SUSD4: variants seen among roughly 807,000 people sequenced by gnomAD.
SUSD4 encodes sushi domain-containing protein 4.
In SUSD4, 41 loss-of-function variants were observed where a neutral mutation model predicts 50.5. The ratio of observed to expected loss-of-function variants is 0.81; its 90% CI spans 0.63 to 1.05. The LOEUF is 1.05. SUSD4 is among the 50% of genes least tolerant of loss of function. The pLI, the probability that SUSD4 is intolerant of heterozygous loss-of-function variation, is 0.00. For missense variants in SUSD4, 580 were observed against 634.7 expected, an observed-to-expected ratio of 0.91 and a Z score of 0.93; for synonymous variants, 257 against 257.3, an observed-to-expected ratio of 1.00 and a Z score of 0.01.
At chr1:223,272,520 T>C (rs1662988401) in intron 3 of SUSD4, among the ~76,000 whole-genome samples, 1 of 152,212 alleles carries the variant, frequency 6.6e-6, no homozygotes, top group Admixed American at 6.5e-5. Context: ...GCAGAAATAG[T>C]AACAGTAAAA....
intron 2 of SUSD4, among the ~76,000 whole-genome samples, chr1:223,300,240 C>T (rs982274225): frequency 1.3e-5 from 2 of 152,128 alleles, no homozygotes; most frequent in African/African-American, 4.8e-5. Context: ...GCATTTGTGA[C>T]CTCAGGAACA....
chr1:223,291,488 C>CAAA (rs71572850), intron 3 of SUSD4, among the ~76,000 whole-genome samples: 12,190 of 49,136 alleles, frequency 0.25, 2,233 homozygotes, highest in African/African-American at 0.28. Context: ...GACACTGTCT[C>CAAA]AAAAAAAAAA....
At chr1:223,290,758 C>CA (rs1664438735) in intron 3 of SUSD4, among the ~76,000 whole-genome samples, 1 of 120,274 alleles carries the variant, frequency 8.3e-6, no homozygotes, top group South Asian at 2.7e-4. Flanking sequence ...ATTTCTCACC[C>CA]CCTTTCTTGC....
At chr1:223,294,679 A>G (rs897487748) in intron 2 of SUSD4, among the ~76,000 whole-genome samples, 1 of 152,194 alleles carries the variant, frequency 6.6e-6, no homozygotes, top group Admixed American at 6.5e-5. Context: ...CACATCTGAC[A>G]CTTGTACTTA....
At chr1:223,267,993 T>G (rs1427967648) in intron 4 of SUSD4, among the ~76,000 whole-genome samples, 1 of 112,214 alleles carries the variant, frequency 8.9e-6, no homozygotes, top group Non-Finnish European at 1.8e-5. Flanking sequence ...TTGATAATTT[T>G]TCTGCTCTTC....
intron 5 of SUSD4, among the ~76,000 whole-genome samples, chr1:223,254,796 T>C (rs930286800): frequency 6.6e-6 from 1 of 152,188 alleles, no homozygotes; most frequent in African/African-American, 2.4e-5. Flanking sequence ...TGGCAATTAC[T>C]TATTGTAAAA....
intron 3 of SUSD4, among the ~76,000 whole-genome samples, chr1:223,284,258 T>A (rs1663978954): frequency 6.6e-6 from 1 of 152,202 alleles, no homozygotes; most frequent in African/African-American, 2.4e-5. Flanking sequence ...ACCAGTCCCC[T>A]GCATGAACAG....
intron 2 of SUSD4, among the ~76,000 whole-genome samples, chr1:223,293,288 G>A (rs1036258432): frequency 3.9e-5 from 6 of 151,966 alleles, no homozygotes; most frequent in East Asian, 1.9e-4. Flanking sequence ...TCCTCCACCC[G>A]GCTGCCTTTC....
chr1:223,336,894 C>T (rs1425163040), intron 2 of SUSD4, among the ~76,000 whole-genome samples: 1 of 152,046 alleles, frequency 6.6e-6, no homozygotes, highest in African/African-American at 2.4e-5. Flanking sequence ...TGACTCCAGC[C>T]CACCTTGAAC....
intron 2 of SUSD4, among the ~76,000 whole-genome samples, chr1:223,297,745 T>C (rs1361435012): frequency 2.6e-5 from 4 of 152,222 alleles, no homozygotes; most frequent in Non-Finnish European, 5.9e-5. Flanking sequence ...CTTAGCGGTC[T>C]CCCTCACTGG....
chr1:223,271,899 A>G (rs1248898134), intron 3 of SUSD4, among the ~76,000 whole-genome samples: 2 of 152,230 alleles, frequency 1.3e-5, no homozygotes, highest in Non-Finnish European at 2.9e-5. Context: ...AAACAGAAAT[A>G]ACATAATTTT....
upstream of SUSD4, among the ~76,000 whole-genome samples, chr1:223,364,420 C>T (rs1669200080): frequency 6.8e-6 from 1 of 147,932 alleles, no homozygotes; most frequent in Non-Finnish European, 1.5e-5. This position sits in a 1 kb window ranked among gnomAD's most constrained non-coding sequence, Gnocchi z 4.5. Flanking sequence ...GCACGCGCCT[C>T]TGCCAACCCA....
rs112665449 is a variant in SUSD4 at position 223,268,042 on chromosome 1, T to C, written c.535+460A>G. Among the ~76,000 whole-genome samples the C allele has an allele frequency of 6.6e-4, 70 of 106,808 alleles. 4 individuals carry two copies. The highest frequency in any genetic ancestry group is 4.9e-3 in the Admixed American group (47 of 9,598). 70.1% of individuals were successfully genotyped at this position (106,808 alleles called of 152,430 possible). A position where few individuals can be genotyped will look rare whatever the true frequency, so the allele number is the denominator to read the frequency against. On this transcript the variant is annotated intron_variant, in intron 4 of 8. Coordinates refer to ENST00000366878, the MANE Select transcript of SUSD4 (RefSeq NM_017982.4). ...ATATATATATATATATATATATATATACACACACACTGTTAAGAGAAAACA... is the reference window on the plus strand; with the variant it reads ...ATATATATATATATATATATATATACACACACACACTGTTAAGAGAAAACA...
chr1:223,275,556 T>A (rs1663199725), intron 3 of SUSD4, among the ~76,000 whole-genome samples: 1 of 152,226 alleles, frequency 6.6e-6, no homozygotes, highest in Admixed American at 6.5e-5. Flanking sequence ...TCTCATGCTC[T>A]GCTCATAGAG....
chr1:223,281,196 A>C (rs1316525106), intron 3 of SUSD4, among the ~76,000 whole-genome samples: 1 of 152,222 alleles, frequency 6.6e-6, no homozygotes, highest in Non-Finnish European at 1.5e-5. Context: ...GCAAGAGCAA[A>C]CACATTCAAA....
chr1:223,290,288 G>A (rs1028975653), intron 3 of SUSD4, among the ~76,000 whole-genome samples: 3 of 152,120 alleles, frequency 2.0e-5, no homozygotes, highest in Non-Finnish European at 4.4e-5. Flanking sequence ...ATGTGACATC[G>A]GTGGTATAGA....
chr1:223,302,239 A>AT (rs1665242612), intron 2 of SUSD4, among the ~76,000 whole-genome samples: 1 of 152,202 alleles, frequency 6.6e-6, no homozygotes, highest in Admixed American at 6.5e-5. Context: ...TACAGCCTGC[A>AT]GAACCATGAG....
At chr1:223,236,444 T>C (rs1660224498) in intron 5 of SUSD4, among the ~76,000 whole-genome samples, 1 of 152,224 alleles carries the variant, frequency 6.6e-6, no homozygotes, top group Non-Finnish European at 1.5e-5. Context: ...CTGGATTTTC[T>C]TCCATGTTAT....
intron 3 of SUSD4, among the ~76,000 whole-genome samples, chr1:223,284,425 G>A (rs998805756): frequency 7.9e-5 from 12 of 152,132 alleles, no homozygotes; most frequent in African/African-American, 2.9e-4. Flanking sequence ...TCCCAACTCT[G>A]TCACTACCAA....
Sources: gnomAD v4.1 joint callset for allele counts (sites outside exome capture counted in the v4.1 genomes callset) on GRCh38, gnomAD v4.1.1 for gene constraint, Gnocchi (gnomAD v3.1) non-coding constraint, MANE v1.5 for transcripts, NCBI Gene and HGNC (gene_info 2026-07-23, HGNC 2026-07-21) for gene names.